The following ELK3 variants were observed in gnomAD, a reference collection of about 807,000 sequenced individuals.
ELK3 encodes ETS domain-containing protein Elk-3.
ELK3 carries 10 observed loss-of-function variants against 28.9 expected under a neutral mutation model. The observed-to-expected ratio is 0.35, with a 90% CI of 0.21 to 0.59. The LOEUF (loss-of-function observed/expected upper bound fraction) is 0.59, where lower values mean the gene tolerates loss of function less well. ELK3 is among the 20% of genes least tolerant of loss of function. ELK3 has a pLI of 0.82. For synonymous variants in ELK3, 272 were observed against 243.5 expected (o/e 1.12, Z -1.09); for missense variants, 463 against 517.3 (o/e 0.90, Z 1.02).
intron 3 of ELK3, among the ~76,000 whole-genome samples, chr12:96,255,183 G>A (rs951538977): frequency 1.3e-4 from 20 of 152,070 alleles, no homozygotes; most frequent in Admixed American, 9.8e-4. Context: ...TGGGAGGAGT[G>A]GGGAGAGCCA....
At chr12:96,208,356 G>A (rs1277581017) in intron 1 of ELK3, among the ~76,000 whole-genome samples, 1 of 152,196 alleles carries the variant, frequency 6.6e-6, no homozygotes, top group Non-Finnish European at 1.5e-5. Flanking sequence ...CCAGCCAGAG[G>A]GCAGGTTTTT....
Position 96,247,817 on chromosome 12 carries a change from C to G in ELK3, c.1002+83C>G. 9 of 1,391,678 alleles carry G rather than the reference C, an allele frequency of 6.5e-6. No homozygotes were observed. Among genetic ancestry groups the G allele is most frequent in the African/African-American group, 1.5e-5 (1 of 68,822 alleles). 86.2% of individuals were successfully genotyped at this position (1,391,678 alleles called of 1,614,324 possible). On this transcript the variant is annotated intron_variant, in intron 3 of 4. Transcript: ENST00000228741. This position sits in a 1 kb window ranked among gnomAD's most constrained non-coding sequence, Gnocchi z 5.5. The stretch of plus-strand genomic sequence containing the variant: ...GAAGAGCAACTAAAGAGACTTCCTT[C>G]TGTCCCTCAAAACGTTGTCCTATGA...
chr12:96,222,081 A>C (rs375394683), intron 1 of ELK3, among the ~76,000 whole-genome samples: 10 of 152,124 alleles, frequency 6.6e-5, no homozygotes, highest in African/African-American at 1.9e-4. Context: ...TGCCACTCAC[A>C]ACAGTTGATC....
At chr12:96,231,142 C>T (rs1442528071) in intron 2 of ELK3, among the ~76,000 whole-genome samples, 1 of 152,138 alleles carries the variant, frequency 6.6e-6, no homozygotes, top group African/African-American at 2.4e-5. Flanking sequence ...ACAGCTTTTT[C>T]CCTTGGTCTT....
At chr12:96,236,601 T>A (rs1192116386) in intron 2 of ELK3, among the ~76,000 whole-genome samples, 2 of 152,174 alleles carry the variant, frequency 1.3e-5, no homozygotes, top group Non-Finnish European at 2.9e-5. Flanking sequence ...TGTGTGTGTG[T>A]GCACACTCCA....
chr12:96,213,092 T>C (rs1951588099), intron 1 of ELK3, among the ~76,000 whole-genome samples: 1 of 152,184 alleles, frequency 6.6e-6, no homozygotes, highest in Non-Finnish European at 1.5e-5. Context: ...GTTTATGTGT[T>C]GTGGAAGGCT....
At chr12:96,219,331 A>G (rs79969555) in intron 1 of ELK3, among the ~76,000 whole-genome samples, 2,637 of 152,140 alleles carry the variant, frequency 0.017, 74 homozygotes, top group African/African-American at 0.061. Flanking sequence ...TTCCGGTGAG[A>G]GAGATACTCA....
intron 1 of ELK3, among the ~76,000 whole-genome samples, chr12:96,218,396 C>T (rs1229073369): frequency 6.6e-6 from 1 of 152,052 alleles, no homozygotes; most frequent in Non-Finnish European, 1.5e-5. Flanking sequence ...ATTAAAATAC[C>T]TGATAAAATT....
At chr12:96,254,728 G>A (rs974519728) in intron 3 of ELK3, among the ~76,000 whole-genome samples, 2 of 151,962 alleles carry the variant, frequency 1.3e-5, no homozygotes, top group Non-Finnish European at 2.9e-5. Context: ...AATACAAAAG[G>A]AATACTAAGT....
At chr12:96,212,397 TC>T (rs1951584286) in intron 1 of ELK3, among the ~76,000 whole-genome samples, 2 of 152,232 alleles carry the variant, frequency 1.3e-5, no homozygotes, top group Non-Finnish European at 2.9e-5. Context: ...GCAGAGCTTG[TC>T]CTTCCATGTG....
chr12:96,262,718 T>C (rs985073981), intron 4 of ELK3, among the ~76,000 whole-genome samples: 1 of 152,188 alleles, frequency 6.6e-6, no homozygotes, highest in African/African-American at 2.4e-5. Context: ...CAAAATATGG[T>C]AGAGGAATAA....
At chr12:96,236,223 G>A (rs1951782094) in intron 2 of ELK3, among the ~76,000 whole-genome samples, 1 of 152,174 alleles carries the variant, frequency 6.6e-6, no homozygotes, top group South Asian at 2.1e-4. Context: ...AGGACTCCAG[G>A]TCCAGCCAGC....
chr12:96,198,992 T>TG (rs2136997377), intron 1 of ELK3, among the ~76,000 whole-genome samples: 1 of 152,314 alleles, frequency 6.6e-6, no homozygotes, highest in East Asian at 1.9e-4. Flanking sequence ...ACTTGTTCAG[T>TG]GTTTTTTGTC....
intron 3 of ELK3, 59 bp from the exon 4 acceptor site, chr12:96,259,672 T>G (rs1951978385): frequency 6.4e-7 from 1 of 1,552,638 alleles, no homozygotes. Context: ...GCTGCTCTGT[T>G]GATCATGGCC....
chr12:96,245,361 A>C (rs1235879245), intron 2 of ELK3, among the ~76,000 whole-genome samples: 1 of 152,054 alleles, frequency 6.6e-6, no homozygotes, highest in Non-Finnish European at 1.5e-5. Flanking sequence ...GAAAAAGCTT[A>C]CGCTTTAGAA....
At chr12:96,264,965 GTAAGTGGTGGAGCCCTGACTCAAGTTT>G (rs2137046608) in intron 4 of ELK3, among the ~76,000 whole-genome samples, 1 of 152,148 alleles carries the variant, frequency 6.6e-6, no homozygotes, top group East Asian at 1.9e-4. Context: ...TAACACACTC[GTAAGTGGTGGAGCCCTGACTCAAGTTT>G]TAAGTTTGTG....
In ELK3 at chr12:96,235,715, C is replaced by T. The variant is rs181229331; in HGVS notation, c.208-11225C>T. Among the ~76,000 whole-genome samples, 248 of 152,242 alleles carry T rather than the reference C, an allele frequency of 1.6e-3. 1 individual carries two copies. The highest frequency in any genetic ancestry group is 3.9e-3 in the Admixed American group (59 of 15,290). ...ACTGCCCGGCCATGCCATCTGCCAGCGCTGGAGGTGGCCGCTCAACACAGG... is the reference window on the plus strand; with the variant it reads ...ACTGCCCGGCCATGCCATCTGCCAGTGCTGGAGGTGGCCGCTCAACACAGG... On this transcript the variant is annotated intron_variant, in intron 2 of 4. Coordinates refer to ENST00000228741, the MANE Select transcript of ELK3 (RefSeq NM_005230.4).
In ELK3 at chr12:96,269,539, T is replaced by C. The variant is rs1394488553; in HGVS notation, c.*2359T>C. ...ACAGAGAACTGGAGGAACTGAAGAA[T>C]AACTCACTCATATAGCTCTGCCTCA... On this transcript the variant is annotated 3_prime_UTR_variant, in exon 5 of 5. Transcript: ENST00000228741. 1 of 152,180 alleles carries C rather than the reference T, an allele frequency of 6.6e-6. No homozygotes were observed. The highest frequency in any genetic ancestry group is 2.4e-5 in the African/African-American group (1 of 41,442). 9.4% of individuals were successfully genotyped at this position (152,180 alleles called of 1,614,324 possible). A position where few individuals can be genotyped will look rare whatever the true frequency, so the allele number is the denominator to read the frequency against.
At chr12:96,244,357 T>C (rs1161547548) in intron 2 of ELK3, among the ~76,000 whole-genome samples, 4 of 152,190 alleles carry the variant, frequency 2.6e-5, no homozygotes, top group African/African-American at 4.8e-5. Flanking sequence ...TTTTCTGTCA[T>C]TTTTATCACA....
Sources: allele counts gnomAD v4.1 joint callset (sites outside exome capture counted in the v4.1 genomes callset), GRCh38; gene constraint gnomAD v4.1.1; non-coding constraint Gnocchi (gnomAD v3.1); transcripts MANE v1.5; gene names NCBI Gene and HGNC (gene_info 2026-07-23, HGNC 2026-07-21).